Variants in PLCB1 observed in about 807,000 individuals in gnomAD.
PLCB1 encodes phospholipase C beta 1.
Under a neutral mutation model 161.8 loss-of-function variants are expected in PLCB1, and 46 were observed. That is an observed-to-expected ratio of 0.28 (90% CI 0.22 to 0.36). The LOEUF (loss-of-function observed/expected upper bound fraction) is 0.36, where lower values mean the gene tolerates loss of function less well. PLCB1 is among the 10% of genes least tolerant of loss of function. PLCB1 has a pLI of 1.00. For missense variants in PLCB1, 1,016 were observed against 1,472.5 expected, an observed-to-expected ratio of 0.69 and a Z score of 5.07; for synonymous variants, 517 against 503.7, an observed-to-expected ratio of 1.03 and a Z score of -0.35.
At chr20:8,705,618 C>T (rs181788672) in intron 11 of PLCB1, among the ~76,000 whole-genome samples, 1 of 152,296 alleles carries the variant, frequency 6.6e-6, no homozygotes, top group Admixed American at 6.5e-5. Flanking sequence ...GATGTTTAGG[C>T]ACAGGTGCTG....
At chr20:8,864,364 A>G (rs1470002521) in intron 31 of PLCB1, among the ~76,000 whole-genome samples, 4 of 152,208 alleles carry the variant, frequency 2.6e-5, no homozygotes, top group African/African-American at 9.7e-5. Context: ...ATTGCAGTAT[A>G]CCATGTATGT....
chr20:8,705,796 T>C (rs997481130), intron 11 of PLCB1, among the ~76,000 whole-genome samples: 1 of 152,170 alleles, frequency 6.6e-6, no homozygotes. Flanking sequence ...GAAAAAGAGA[T>C]GTATTTAAAG....
intron 2 of PLCB1, among the ~76,000 whole-genome samples, chr20:8,194,668 A>T (rs888625475): frequency 2.0e-5 from 3 of 152,042 alleles, no homozygotes; most frequent in Non-Finnish European, 4.4e-5. Flanking sequence ...GCTTGCTAAC[A>T]TGGTGGTAGG....
chr20:8,185,128 T>G (rs1275682243), intron 2 of PLCB1, among the ~76,000 whole-genome samples: 1 of 152,192 alleles, frequency 6.6e-6, no homozygotes, highest in Non-Finnish European at 1.5e-5. Context: ...AACTCATCCT[T>G]TTAATGTTAA....
intron 4 of PLCB1, among the ~76,000 whole-genome samples, chr20:8,643,234 G>A (rs775034036): frequency 6.6e-6 from 1 of 152,060 alleles, no homozygotes; most frequent in Non-Finnish European, 1.5e-5. Context: ...TCCTTGACCT[G>A]GCTGCCAGAT....
At position 8,716,362 on chromosome 20, in the gene PLCB1, A is replaced by G; in HGVS notation, c.1335+14A>G. ...GAAAAATATCCAGTAAGCAGTTCTG[A>G]TGTTTGTCCTTGAAGGAATGTATGC... On this transcript the variant is annotated intron_variant, in intron 13 of 31. Coordinates refer to ENST00000338037, the MANE Select transcript of PLCB1 (RefSeq NM_015192.4). 1 of 1,587,734 alleles carries G rather than the reference A, an allele frequency of 6.3e-7. No individual in the cohort carries two copies. Among genetic ancestry groups the G allele is most frequent in the South Asian group, 1.1e-5 (1 of 90,514 alleles).
At chr20:8,517,890 GT>G (rs1467505897) in intron 3 of PLCB1, among the ~76,000 whole-genome samples, 3 of 152,166 alleles carry the variant, frequency 2.0e-5, no homozygotes, top group Non-Finnish European at 4.4e-5. Context: ...GCCATTAAAA[GT>G]TTATCTTCCT....
At chr20:8,674,559 G>A (rs1436914762) in intron 9 of PLCB1, among the ~76,000 whole-genome samples, 2 of 152,138 alleles carry the variant, frequency 1.3e-5, no homozygotes, top group African/African-American at 2.4e-5. Flanking sequence ...TGAGTGGACC[G>A]AGGAGGAACT....
chr20:8,788,854 A>T (rs1465841588), intron 29 of PLCB1, 132 bp downstream of exon 29: 1 of 632,624 alleles, frequency 1.6e-6, no homozygotes, highest in Non-Finnish European at 2.7e-6. Flanking sequence ...CTTTCAAAAG[A>T]TTCTTTTGGT....
intron 31 of PLCB1, among the ~76,000 whole-genome samples, chr20:8,831,813 A>G (rs923401785): frequency 2.6e-5 from 4 of 152,172 alleles, no homozygotes; most frequent in African/African-American, 9.7e-5. Flanking sequence ...ATATTTTGCT[A>G]AATGAATTTT....
At chr20:8,825,045 A>T (rs1344602730) in intron 31 of PLCB1, among the ~76,000 whole-genome samples, 1 of 152,140 alleles carries the variant, frequency 6.6e-6, no homozygotes, top group Non-Finnish European at 1.5e-5. Flanking sequence ...CCATAGACTC[A>T]CCTACACTAT....
chr20:8,422,099 T>C (rs1979560411), intron 3 of PLCB1, among the ~76,000 whole-genome samples: 1 of 152,248 alleles, frequency 6.6e-6, no homozygotes, highest in Non-Finnish European at 1.5e-5. Flanking sequence ...CTTTACAACC[T>C]GCTCAATTTG....
Position 8,218,366 on chromosome 20 carries a change from T to C in PLCB1, c.177+67995T>C, listed in dbSNP as rs138971098. Among the ~76,000 whole-genome samples the C allele has an allele frequency of 1.1e-4, 16 of 152,198 alleles. No individual in the cohort carries two copies. In the East Asian group the frequency reaches 2.7e-3, roughly 26 times the overall value. On this transcript the variant is annotated intron_variant, in intron 2 of 31. Coordinates refer to ENST00000338037, the MANE Select transcript of PLCB1 (RefSeq NM_015192.4). Reference sequence around the variant, plus strand: ...TGAGGCAGTGGTAGAGCTAACAGTTTTCATATAACAAACTTGCCTCTTTTT... The same window carrying C: ...TGAGGCAGTGGTAGAGCTAACAGTTCTCATATAACAAACTTGCCTCTTTTT...
intron 3 of PLCB1, among the ~76,000 whole-genome samples, chr20:8,496,328 G>GAAAA (rs1211305592): frequency 1.1e-5 from 1 of 93,902 alleles, no homozygotes; most frequent in Non-Finnish European, 1.9e-5. Context: ...CCCCATCTCT[G>GAAAA]CAAAAAAAAA....
chr20:8,303,791 G>A (rs1984009624), intron 2 of PLCB1, among the ~76,000 whole-genome samples: 1 of 152,168 alleles, frequency 6.6e-6, no homozygotes, highest in Admixed American at 6.5e-5. Context: ...CTCTTCAAAT[G>A]TGCCTCATCG....
intron 3 of PLCB1, among the ~76,000 whole-genome samples, chr20:8,404,173 C>A (rs1978687326): frequency 6.6e-6 from 1 of 152,150 alleles, no homozygotes; most frequent in Non-Finnish European, 1.5e-5. Flanking sequence ...TCATTGAAAG[C>A]AATGGGTTTT....
At chr20:8,609,048 CTTA>C (rs895669552) in intron 3 of PLCB1, among the ~76,000 whole-genome samples, 2 of 152,162 alleles carry the variant, frequency 1.3e-5, no homozygotes, top group Non-Finnish European at 2.9e-5. Flanking sequence ...ATGCCCTTCT[CTTA>C]TTCCCTGCCA....
chr20:8,407,532 A>G (rs1468368660), intron 3 of PLCB1, among the ~76,000 whole-genome samples: 1 of 152,216 alleles, frequency 6.6e-6, no homozygotes, highest in African/African-American at 2.4e-5. Flanking sequence ...AGGAAGAAGC[A>G]AAAGCGGAAA....
chr20:8,352,371 G>A (rs974384353), intron 2 of PLCB1, among the ~76,000 whole-genome samples: 1 of 151,980 alleles, frequency 6.6e-6, no homozygotes, highest in Non-Finnish European at 1.5e-5. Flanking sequence ...TTTTAGGATA[G>A]GGAAATTTCT....
Sources: gnomAD v4.1 joint callset for allele counts (sites outside exome capture counted in the v4.1 genomes callset) on GRCh38, gnomAD v4.1.1 for gene constraint, MANE v1.5 for transcripts, NCBI Gene and HGNC (gene_info 2026-07-23, HGNC 2026-07-21) for gene names.